The following GRIK2 variants were observed in gnomAD, a reference collection of about 807,000 sequenced individuals.
GRIK2 encodes the protein glutamate receptor ionotropic, kainate 2.
In GRIK2, 32 loss-of-function variants were observed where a neutral mutation model predicts 100.3. The ratio of observed to expected loss-of-function variants is 0.32; its 90% CI spans 0.24 to 0.43. The LOEUF (loss-of-function observed/expected upper bound fraction) is 0.43, where lower values mean the gene tolerates loss of function less well. Ranked by LOEUF, GRIK2 falls within the 20% of genes least tolerant of loss-of-function variation. GRIK2 has a pLI of 1.00. For missense variants in GRIK2, 843 were observed against 1,114.9 expected, an observed-to-expected ratio of 0.76 and a Z score of 3.47; for synonymous variants, 417 against 389.4, an observed-to-expected ratio of 1.07 and a Z score of -0.83.
chr6:102,002,776 T>G (rs1379569992), intron 14 of GRIK2, among the ~76,000 whole-genome samples: 4 of 150,908 alleles, frequency 2.7e-5, no homozygotes, highest in African/African-American at 9.7e-5. Flanking sequence ...CAATCCCACC[T>G]ATTATCACAG....
intron 2 of GRIK2, among the ~76,000 whole-genome samples, chr6:101,589,292 ATTAC>A (rs1249442355): frequency 2.6e-5 from 4 of 152,168 alleles, no homozygotes; most frequent in Admixed American, 6.6e-5. Flanking sequence ...TCACATAGTT[ATTAC>A]TTTTGTGGTG....
At chr6:101,948,109 A>G (rs1791384744) in intron 14 of GRIK2, among the ~76,000 whole-genome samples, 1 of 152,156 alleles carries the variant, frequency 6.6e-6, no homozygotes, top group Non-Finnish European at 1.5e-5. Context: ...AAATATTCCT[A>G]TTACCTTTAA....
intron 14 of GRIK2, among the ~76,000 whole-genome samples, chr6:102,007,133 T>G (rs1424532039): frequency 6.6e-6 from 1 of 152,110 alleles, no homozygotes; most frequent in Non-Finnish European, 1.5e-5. Flanking sequence ...TATACCAAAT[T>G]GAATATGGAT....
rs1769902448 is a variant in GRIK2, at chr6:102,030,031, T to G, written c.2086-5310T>G. The stretch of plus-strand genomic sequence containing the variant: ...TTTAAGATCTATTCTCTTAGCAACT[T>G]TCAAGTATAAATTTGCAGTATAATT... On this transcript the variant is annotated intron_variant, in intron 14 of 16. Transcript: ENST00000369134. Among the ~76,000 whole-genome samples, 4 of 151,260 alleles carry G rather than the reference T, an allele frequency of 2.6e-5. 1 individual carries two copies. The highest frequency in any genetic ancestry group is 4.1e-4 in the South Asian group (2 of 4,822).
At chr6:101,554,517 C>T (rs2245820) in intron 2 of GRIK2, among the ~76,000 whole-genome samples, 121,265 of 151,902 alleles carry the variant, frequency 0.8, 48,729 homozygotes, top group African/African-American at 0.87. Context: ...AAAAAAATCA[C>T]TCAAATCCCT....
intron 10 of GRIK2, among the ~76,000 whole-genome samples, chr6:101,838,673 C>T (rs538773023): frequency 5.0e-5 from 7 of 138,780 alleles, no homozygotes; most frequent in African/African-American, 9.0e-5. Flanking sequence ...TTTTTTGAGA[C>T]GGAGACTTGC....
chr6:102,006,368 T>A (rs1225887566), intron 14 of GRIK2, among the ~76,000 whole-genome samples: 40 of 125,818 alleles, frequency 3.2e-4, no homozygotes, highest in South Asian at 1.0e-3. Context: ...GATAAACCTT[T>A]TATATATATA....
chr6:101,582,255 A>G (rs1778139085), intron 2 of GRIK2, among the ~76,000 whole-genome samples: 1 of 151,754 alleles, frequency 6.6e-6, no homozygotes, highest in Non-Finnish European at 1.5e-5. Flanking sequence ...AGGCCCCGGT[A>G]TGTTCCCCTC....
chr6:101,439,368 C>T (rs990527382), intron 2 of GRIK2, among the ~76,000 whole-genome samples: 1 of 152,102 alleles, frequency 6.6e-6, no homozygotes, highest in South Asian at 2.1e-4. Context: ...ATAGTTGCAA[C>T]AGCCATGTAG....
intron 14 of GRIK2, among the ~76,000 whole-genome samples, chr6:101,955,576 TTC>T (rs60603807): frequency 0.013 from 1,493 of 116,198 alleles, 40 homozygotes; most frequent in African/African-American, 0.036. Flanking sequence ...GAGCAAGGCC[TTC>T]TCTCTCTCTC....
At chr6:101,657,438 G>A (rs986525109) in intron 4 of GRIK2, among the ~76,000 whole-genome samples, 13 of 151,972 alleles carry the variant, frequency 8.6e-5, no homozygotes, top group Admixed American at 1.3e-4. Context: ...TATAAATTAC[G>A]CAGTCTTGGG....
chr6:102,026,638 A>G (rs1307595098), intron 14 of GRIK2, among the ~76,000 whole-genome samples: 1 of 151,266 alleles, frequency 6.6e-6, no homozygotes. Flanking sequence ...TAACTGCACC[A>G]AATGATACTA....
chr6:101,569,886 A>T (rs1244002149), intron 2 of GRIK2, among the ~76,000 whole-genome samples: 1 of 152,124 alleles, frequency 6.6e-6, no homozygotes, highest in Admixed American at 6.6e-5. Context: ...TTTTTGAATT[A>T]CTTTCTTTCT....
chr6:101,804,591 A>T (rs1292128687), intron 9 of GRIK2, among the ~76,000 whole-genome samples: 1 of 152,002 alleles, frequency 6.6e-6, no homozygotes, highest in African/African-American at 2.4e-5. Flanking sequence ...TGGAGGAGCC[A>T]GGTAGGAAAA....
At chr6:101,760,165 G>A (rs1047273452) in intron 7 of GRIK2, among the ~76,000 whole-genome samples, 6 of 145,768 alleles carry the variant, frequency 4.1e-5, no homozygotes, top group Admixed American at 2.1e-4. Flanking sequence ...CACCGCGCCC[G>A]GCCAGCATTT....
At chr6:101,758,972 A>C (rs1777312310) in intron 7 of GRIK2, among the ~76,000 whole-genome samples, 1 of 152,124 alleles carries the variant, frequency 6.6e-6, no homozygotes, top group Admixed American at 6.5e-5. Context: ...AATATTTTAA[A>C]CTGTAAGTGA....
intron 7 of GRIK2, among the ~76,000 whole-genome samples, chr6:101,773,584 T>C (rs928425864): frequency 1.3e-5 from 2 of 152,088 alleles, no homozygotes; most frequent in Non-Finnish European, 2.9e-5. Context: ...AATTCTTATT[T>C]AAAAAACAAA....
chr6:101,716,807 G>T (rs989715855), intron 7 of GRIK2, among the ~76,000 whole-genome samples: 1 of 151,706 alleles, frequency 6.6e-6, no homozygotes, highest in African/African-American at 2.4e-5. Flanking sequence ...AAGGTTTAAA[G>T]TAAGCATATT....
chr6:101,522,052 G>A (rs2749054), intron 2 of GRIK2, among the ~76,000 whole-genome samples: 100,613 of 151,920 alleles, frequency 0.66, 34,444 homozygotes, highest in African/African-American at 0.84. Context: ...TTGCATAACT[G>A]TACATTCAAT....
Sources: gnomAD v4.1 joint callset for allele counts (sites outside exome capture counted in the v4.1 genomes callset) on GRCh38, gnomAD v4.1.1 for gene constraint, MANE v1.5 for transcripts, NCBI Gene and HGNC (gene_info 2026-07-23, HGNC 2026-07-21) for gene names.